CMSS1: variants seen among roughly 807,000 people sequenced by gnomAD.
CMSS1 encodes protein CMSS1.
A neutral mutation model predicts 43.5 loss-of-function variants in CMSS1; 33 were observed. The ratio of observed to expected loss-of-function variants is 0.76; its 90% CI spans 0.57 to 1.01. The LOEUF (loss-of-function observed/expected upper bound fraction) is 1.01. Ranked by LOEUF, CMSS1 falls within the 50% of genes least tolerant of loss-of-function variation. The probability of loss-of-function intolerance (pLI) is 0.00; values close to 1 mark genes in which losing one functional copy is unlikely to be tolerated. For synonymous variants in CMSS1, 115 were observed against 117.2 expected, an observed-to-expected ratio of 0.98 and a Z score of 0.12; for missense variants, 313 against 326.4, an observed-to-expected ratio of 0.96 and a Z score of 0.32.
rs1035269948 is a variant in CMSS1 at position 99,895,568 on chromosome 3, A to C, written c.64+77525A>C. 2.0e-5 allele frequency among the ~76,000 whole-genome samples: 3 copies of C among 152,168 alleles called. No homozygotes were observed. The South Asian group carries it at 6.2e-4, about 32-fold the overall frequency. On this transcript the variant is annotated intron_variant, in intron 1 of 9. Coordinates refer to ENST00000421999, the MANE Select transcript of CMSS1 (RefSeq NM_032359.4). Reference sequence around the variant, plus strand: ...TTTAGGGAACTTAGTTCACAATAGCATAACTATGAACCCATGGTAATTTTT... The same window carrying C: ...TTTAGGGAACTTAGTTCACAATAGCCTAACTATGAACCCATGGTAATTTTT...
rs397816245 is a variant in CMSS1 at position 100,168,863 on chromosome 3, TTA to T, written c.518+1040_518+1041del. ...GGATTATATTCCTAGAGATTACAAATTATATATATATATATATACACACACAC... is the reference window on the plus strand; with the variant it reads ...GGATTATATTCCTAGAGATTACAAATTATATATATATATATACACACACAC... On this transcript the variant is annotated intron_variant, in intron 6 of 9. Transcript: ENST00000421999. Among the ~76,000 whole-genome samples, 1,177 of 145,988 alleles carry T rather than the reference TTA, an allele frequency of 8.1e-3. 16 individuals carry two copies. Among genetic ancestry groups the T allele is most frequent in the African/African-American group, 0.025 (1,004 of 39,882 alleles).
chr3:99,949,616 A>G (rs147533764), intron 1 of CMSS1, among the ~76,000 whole-genome samples: 49 of 152,356 alleles, frequency 3.2e-4, no homozygotes, highest in African/African-American at 1.2e-3. Context: ...AAAGTACTTA[A>G]TATTTTCCTA....
chr3:100,054,539 TATGTC>T (rs1553709715), intron 1 of CMSS1, among the ~76,000 whole-genome samples: 1 of 125,668 alleles, frequency 8.0e-6, no homozygotes, highest in South Asian at 2.5e-4. Flanking sequence ...TATGTTATGT[TATGTC>T]ATGTTATGTT....
intron 1 of CMSS1, among the ~76,000 whole-genome samples, chr3:100,047,629 G>T (rs981935799): frequency 3.3e-5 from 5 of 152,196 alleles, no homozygotes; most frequent in Admixed American, 6.5e-5. Context: ...TTCAACTGCA[G>T]GTGTCTGTCA....
At chr3:99,926,332 C>G (rs1374463652) in intron 1 of CMSS1, among the ~76,000 whole-genome samples, 1 of 152,202 alleles carries the variant, frequency 6.6e-6, no homozygotes, top group Non-Finnish European at 1.5e-5. Context: ...GTAGCCAGTC[C>G]TTTTGTGAAA....
intron 1 of CMSS1, among the ~76,000 whole-genome samples, chr3:99,820,813 G>A (rs1473833734): frequency 1.3e-5 from 2 of 152,134 alleles, no homozygotes; most frequent in African/African-American, 4.8e-5. Context: ...TGTTGTTTCA[G>A]CCTAAAGTAT....
At position 99,923,467 on chromosome 3, in the gene CMSS1, C is replaced by A. The variant is rs1229367158; in HGVS notation, c.64+105424C>A. Among the ~76,000 whole-genome samples the A allele has an allele frequency of 2.0e-5, 3 of 152,176 alleles. No homozygotes were observed. The South Asian group carries it at 6.2e-4, about 32-fold the overall frequency. Reference sequence around the variant, plus strand: ...CCATATTTCATATGTTCCTGAATAGCCAGGAGTGCTTCTCAGTAACTCCTT... The same window carrying A: ...CCATATTTCATATGTTCCTGAATAGACAGGAGTGCTTCTCAGTAACTCCTT... On this transcript the variant is annotated intron_variant, in intron 1 of 9. Transcript: ENST00000421999.
intron 1 of CMSS1, among the ~76,000 whole-genome samples, chr3:99,981,408 A>C (rs1709119940): frequency 6.6e-6 from 1 of 152,088 alleles, no homozygotes; most frequent in South Asian, 2.1e-4. Flanking sequence ...AGCATCCAAC[A>C]CTTTGCTATA....
At chr3:100,160,122 C>G (rs2067010808) in intron 2 of CMSS1, among the ~76,000 whole-genome samples, 1 of 152,120 alleles carries the variant, frequency 6.6e-6, no homozygotes, top group Non-Finnish European at 1.5e-5. Flanking sequence ...ACAAACTCAG[C>G]CACTGTCTTC....
chr3:100,149,992 C>T (rs2066890551), intron 2 of CMSS1, among the ~76,000 whole-genome samples: 1 of 152,110 alleles, frequency 6.6e-6, no homozygotes, highest in African/African-American at 2.4e-5. Context: ...GGCTCCTCCA[C>T]CTTGACATTC....
At chr3:99,904,318 G>A (rs1405630255) in intron 1 of CMSS1, among the ~76,000 whole-genome samples, 1 of 152,118 alleles carries the variant, frequency 6.6e-6, no homozygotes, top group African/African-American at 2.4e-5. Context: ...CTTTCAGTAG[G>A]GAGAGAAAAC....
chr3:99,992,746 A>G (rs1424467408), intron 1 of CMSS1, among the ~76,000 whole-genome samples: 1 of 152,028 alleles, frequency 6.6e-6, no homozygotes, highest in Non-Finnish European at 1.5e-5. Flanking sequence ...GCCTAGGCCA[A>G]TGTCTACAGT....
At chr3:99,939,587 T>C (rs544783767) in intron 1 of CMSS1, among the ~76,000 whole-genome samples, 1 of 152,308 alleles carries the variant, frequency 6.6e-6, no homozygotes, top group South Asian at 2.1e-4. Context: ...AAGCAGTGAA[T>C]TGGTGAAGGT....
At chr3:99,981,291 T>C (rs893900103) in intron 1 of CMSS1, among the ~76,000 whole-genome samples, 1 of 152,146 alleles carries the variant, frequency 6.6e-6, no homozygotes, top group Non-Finnish European at 1.5e-5. Flanking sequence ...TACTTAATCC[T>C]CAGGACTAAG....
chr3:99,983,477 T>TAC, intron 1 of CMSS1, among the ~76,000 whole-genome samples: 1 of 17,440 alleles, frequency 5.7e-5, no homozygotes, highest in Admixed American at 5.9e-4. Context: ...TATATATATA[T>TAC]ATATATATAT....
At chr3:99,998,174 A>T (rs1395647919) in intron 1 of CMSS1, among the ~76,000 whole-genome samples, 3 of 152,232 alleles carry the variant, frequency 2.0e-5, no homozygotes, top group Admixed American at 1.3e-4. Flanking sequence ...CTGAAAAGTT[A>T]TTAATGGCAA....
At chr3:100,159,916 C>T (rs369476659) in intron 2 of CMSS1, 19 of 456,466 alleles carry the variant, frequency 4.2e-5, no homozygotes, top group East Asian at 1.4e-4. Context: ...TTTATAAAAA[C>T]GTAAGTTAAT....
intron 1 of CMSS1, among the ~76,000 whole-genome samples, chr3:99,881,833 C>T (rs1194881803): frequency 1.3e-5 from 2 of 152,134 alleles, no homozygotes; most frequent in African/African-American, 4.8e-5. Flanking sequence ...GTGACTGACC[C>T]ATTTCTTTTT....
chr3:100,147,439 A>G (rs1385982311), intron 2 of CMSS1, among the ~76,000 whole-genome samples: 1 of 151,140 alleles, frequency 6.6e-6, no homozygotes, highest in African/African-American at 2.4e-5. Context: ...CACCCAGCTA[A>G]TTTTTTTATG....
Sources: allele counts gnomAD v4.1 joint callset (sites outside exome capture counted in the v4.1 genomes callset), GRCh38; gene constraint gnomAD v4.1.1; transcripts MANE v1.5; gene names NCBI Gene and HGNC (gene_info 2026-07-23, HGNC 2026-07-21).